Variants in BOD1L1 observed in about 807,000 individuals in gnomAD.
BOD1L1 encodes the protein biorientation of chromosomes in cell division 1 like 1.
BOD1L1 carries 86 observed loss-of-function variants against 240.7 expected under a neutral mutation model. The ratio of observed to expected loss-of-function variants is 0.36; its 90% confidence interval spans 0.30 to 0.43. The LOEUF (loss-of-function observed/expected upper bound fraction) is 0.43. Among genes scored for constraint, BOD1L1 ranks in the 20% least tolerant of loss-of-function variants. BOD1L1 has a pLI of 1.00. For synonymous variants in BOD1L1, 1,268 were observed against 1,272.3 expected (o/e 1.00, Z 0.07); for missense variants, 3,554 against 3,643.5 (o/e 0.98, Z 0.63).
At chr4:13,587,272 T>C (rs1348795890) in intron 16 of BOD1L1, among the ~76,000 whole-genome samples, 1 of 152,238 alleles carries the variant, frequency 6.6e-6, no homozygotes, top group Non-Finnish European at 1.5e-5. Context: ...ACAAGACTTC[T>C]ATCACTGTAG....
In BOD1L1 at chr4:13,601,089, T is replaced by C; in HGVS notation, c.5811A>G (p.Thr1937=). 2.5e-6 allele frequency: 4 copies of C among 1,613,998 alleles called. No individual in the cohort carries two copies. The South Asian group carries it at 3.3e-5, about 13-fold the overall frequency. The change falls in exon 10 of 26, where the codon ACA becomes ACG. Residue 1937 remains threonine, a synonymous_variant. Coordinates refer to ENST00000040738, the MANE Select transcript of BOD1L1 (RefSeq NM_148894.3). Reference sequence around the variant, plus strand: ...TATCTGTGTCTTTACTTCCTTTCTCTGTGCCACTCATGCTGTCAACATTAT... The same window carrying C: ...TATCTGTGTCTTTACTTCCTTTCTCCGTGCCACTCATGCTGTCAACATTAT... ...NENNVDSMSG[T]EKGSKDTDIC...
chr4:13,599,011 T>G lies in BOD1L1; in HGVS notation c.7889A>C (p.Lys2630Thr). ...TATGTCTCCTTCCTCAGGGAATGAT[T>G]TCCTTGTGCTGTTATCATCTCCTGT... ...EKTGDDNSTRKSFPEEGDIMV... is the reference protein window; with the variant it reads ...EKTGDDNSTRTSFPEEGDIMV... The change falls in exon 10 of 26, where the codon AAA becomes ACA. Residue 2630 changes from lysine (K) to threonine (T), a missense_variant. This residue lies in a region of BOD1L1 where 3,393 missense variants were observed against 3,427.1 expected (regional missense o/e 0.99). Coordinates refer to ENST00000040738, the MANE Select transcript of BOD1L1 (RefSeq NM_148894.3). 1 of 1,613,868 alleles carries G rather than the reference T, an allele frequency of 6.2e-7. No homozygotes were observed. The highest frequency in any genetic ancestry group is 8.5e-7 in the Non-Finnish European group (1 of 1,179,774).
chr4:13,587,621 A>C (rs1329329282), intron 16 of BOD1L1, 78 bp downstream of exon 16: 7 of 1,083,236 alleles, frequency 6.5e-6, no homozygotes, highest in South Asian at 1.4e-5. Flanking sequence ...AAAATTCTCT[A>C]TGTTTTTGGC....
At position 13,614,333 on chromosome 4, in the gene BOD1L1, A is replaced by G. The variant is rs1048413406; in HGVS notation, c.1037T>C (p.Phe346Ser). Reference sequence around the variant, plus strand: ...ATCTTCACTCTTTTTTGAGTGATCAAATTTCTTTTCAGTCTTTTCCTTCTT... The same window carrying G: ...ATCTTCACTCTTTTTTGAGTGATCAGATTTCTTTTCAGTCTTTTCCTTCTT... ...KEKKEKTEKK[F>S]DHSKKSEDTQ... The change falls in exon 4 of 26, where the codon TTT (phenylalanine) becomes TCT (serine). Residue 346 changes from phenylalanine (F) to serine (S), a missense_variant. By Grantham distance (155) the Phe-to-Ser change is radical. This residue lies in a region of BOD1L1 where 3,393 missense variants were observed against 3,427.1 expected (regional missense o/e 0.99). Coordinates refer to ENST00000040738, the MANE Select transcript of BOD1L1 (RefSeq NM_148894.3). The G allele has an allele frequency of 5.2e-6, 8 of 1,550,084 alleles. No individual in the cohort carries two copies. The highest frequency in any genetic ancestry group is 7.0e-6 in the Non-Finnish European group (8 of 1,146,704).
At chr4:13,622,346 C>G (rs1717100189) in intron 1 of BOD1L1, among the ~76,000 whole-genome samples, 1 of 152,134 alleles carries the variant, frequency 6.6e-6, no homozygotes, top group South Asian at 2.1e-4. Flanking sequence ...TCCTTGTTTT[C>G]AAGCTCTCCT....
At chr4:13,621,767 C>T (rs1717055768) in intron 1 of BOD1L1, among the ~76,000 whole-genome samples, 1 of 152,218 alleles carries the variant, frequency 6.6e-6, no homozygotes, top group Admixed American at 6.5e-5. Context: ...TCATCAGTTC[C>T]AATTTTCAGG....
chr4:13,582,258 A>C lies in BOD1L1; in HGVS notation c.8571T>G (p.Asp2857Glu), dbSNP rs767351383. 1.2e-6 allele frequency: 2 copies of C among 1,613,510 alleles called. No individual in the cohort carries two copies. The highest frequency in any genetic ancestry group is 1.7e-6 in the Non-Finnish European group (2 of 1,179,606). Residue 2857 changes from aspartate to glutamate, a missense_variant, in exon 19 of 26, where the codon GAT becomes GAG. Coordinates refer to ENST00000040738, the MANE Select transcript of BOD1L1 (RefSeq NM_148894.3). ...TCACCTCCTGAGATTTTATGGTGTC[A>C]TCATCGTTCTGCTCTGGCTTTTCAC... ...TTGEKPEQND[D>E]DTIKSQEEDQ...
intron 25 of BOD1L1, among the ~76,000 whole-genome samples, 193 bp from the exon 26 acceptor site, chr4:13,570,321 C>T (rs1438560123): frequency 6.6e-6 from 1 of 152,254 alleles, no homozygotes; most frequent in Non-Finnish European, 1.5e-5. Flanking sequence ...CAACCTCACA[C>T]ACAAACACAG....
intron 17 of BOD1L1, among the ~76,000 whole-genome samples, chr4:13,585,102 T>C (rs1337202762): frequency 6.6e-6 from 1 of 152,326 alleles, no homozygotes; most frequent in East Asian, 1.9e-4. Flanking sequence ...TTTAGAAGTA[T>C]TGTCTCAGGA....
chr4:13,575,895 CTTTTTTTTTT>C (rs35101769), intron 25 of BOD1L1, among the ~76,000 whole-genome samples: 5 of 119,250 alleles, frequency 4.2e-5, no homozygotes, highest in African/African-American at 1.6e-4. Flanking sequence ...TTGCCAAACC[CTTTTTTTTTT>C]TTTTTTTTTT....
chr4:13,581,002 T>G lies in BOD1L1; in HGVS notation c.8703+18A>C. The G allele has an allele frequency of 1.3e-6, 2 of 1,567,236 alleles. No homozygotes were observed. The highest frequency in any genetic ancestry group is 1.7e-6 in the Non-Finnish European group (2 of 1,155,224). On this transcript the variant is annotated intron_variant, in intron 21 of 25. Transcript: ENST00000040738. ...TAAGAGCAAGTATTTGAAATTGTCA[T>G]GTTTTGCAATTACTTACAGTGACAA... is the stretch of plus-strand genomic sequence containing the variant.
chr4:13,602,231 T>C lies in BOD1L1; in HGVS notation c.4669A>G (p.Ile1557Val), dbSNP rs1429866307. 6.2e-7 allele frequency: 1 copy of C among 1,613,900 alleles called. No individual in the cohort carries two copies. Among genetic ancestry groups the C allele is most frequent in the East Asian group, 2.2e-5 (1 of 44,884 alleles). ...ATTATGAGGCCTTCATCTGCCTCAA[T>C]GCTGGTGCAAGGCAAAGCCACCTCA... ...QSEVALPCTS[I>V]EADEGLIIGT... The change falls in exon 10 of 26, where the codon ATT becomes GTT. Residue 1557 changes from isoleucine (I) to valine (V), a missense_variant. Ile to Val is a conservative substitution (Grantham distance 29, BLOSUM62 3). Transcript: ENST00000040738.
chr4:13,602,935 T>A lies in BOD1L1; in HGVS notation c.3965A>T (p.His1322Leu), dbSNP rs1414444152. 6.2e-7 allele frequency: 1 copy of A among 1,613,986 alleles called. No individual in the cohort carries two copies. The highest frequency in any genetic ancestry group is 1.7e-5 in the Admixed American group (1 of 60,014). Reference protein sequence around the residue: ...GSTASTSPADHSALPNQSLTV... With the variant: ...GSTASTSPADLSALPNQSLTV... The stretch of plus-strand genomic sequence containing the variant: ...CAGACTTTGGTTAGGGAGAGCAGAG[T>A]GATCCGCAGGGGAGGTGCTGGCTGT... The change falls in exon 10 of 26, where the codon CAC becomes CTC. Residue 1322 changes from histidine (H) to leucine (L), a missense_variant. His to Leu is a moderately conservative substitution (Grantham distance 99, BLOSUM62 -3). Transcript: ENST00000040738.
intron 25 of BOD1L1, among the ~76,000 whole-genome samples, chr4:13,572,089 A>G (rs1395847055): frequency 6.6e-6 from 1 of 152,224 alleles, no homozygotes; most frequent in East Asian, 1.9e-4. Flanking sequence ...CAGAGGGGTA[A>G]ATAAAAGGAA....
rs1158024770 is a variant in BOD1L1 at position 13,577,572 on chromosome 4, T to C, written c.8799+10A>G. The C allele has an allele frequency of 6.3e-7, 1 of 1,579,276 alleles. No individual in the cohort carries two copies. The highest frequency in any genetic ancestry group is 2.3e-5 in the East Asian group (1 of 44,064). On this transcript the variant is annotated intron_variant, in intron 23 of 25. Coordinates refer to ENST00000040738, the MANE Select transcript of BOD1L1 (RefSeq NM_148894.3). ...AAACAACATATCTTGATAAGAAATT[T>C]AACACTTACATTGCTTATACTTCTT...
chr4:13,587,619 CTA>C (rs1439946461), intron 16 of BOD1L1, 78 bp downstream of exon 16: 14 of 1,068,252 alleles, frequency 1.3e-5, no homozygotes, highest in African/African-American at 1.3e-4. Context: ...CAAAAATTCT[CTA>C]TGTTTTTGGC....
intron 25 of BOD1L1, among the ~76,000 whole-genome samples, chr4:13,576,565 C>A (rs1712763691): frequency 6.6e-6 from 1 of 151,788 alleles, no homozygotes; most frequent in African/African-American, 2.4e-5. Flanking sequence ...ATGGCAGATG[C>A]TCAAAAAATA....
Position 13,602,563 on chromosome 4 carries a change from A to G in BOD1L1, c.4337T>C (p.Leu1446Pro). ...DGIAVDHVVG[L>P]NTEKYAETVK... Reference sequence around the variant, plus strand: ...AGTTTCAGCATATTTTTCTGTATTCAGGCCTACAACATGATCAACAGCAAT... The same window carrying G: ...AGTTTCAGCATATTTTTCTGTATTCGGGCCTACAACATGATCAACAGCAAT... Residue 1446 changes from leucine (L) to proline (P), a missense_variant, in exon 10 of 26, where the codon CTG becomes CCG. Coordinates refer to ENST00000040738, the MANE Select transcript of BOD1L1 (RefSeq NM_148894.3). The G allele has an allele frequency of 6.2e-7, 1 of 1,613,960 alleles. No individual in the cohort carries two copies.
chr4:13,621,123 G>A (rs1049943266), intron 1 of BOD1L1, among the ~76,000 whole-genome samples: 5 of 152,144 alleles, frequency 3.3e-5, no homozygotes, highest in African/African-American at 9.7e-5. Context: ...AGGGGAACAT[G>A]GAGGGGAACA....
Sources: allele counts gnomAD v4.1 joint callset (sites outside exome capture counted in the v4.1 genomes callset), GRCh38; gene constraint gnomAD v4.1.1; regional missense constraint gnomAD v4.1.1; transcripts MANE v1.5; gene names NCBI Gene and HGNC (gene_info 2026-07-23, HGNC 2026-07-21).